Variants in CCDC178 observed in about 807,000 individuals in gnomAD.
The protein encoded by CCDC178 is coiled-coil domain-containing protein 178.
CCDC178 carries 126 observed loss-of-function variants against 117.4 expected under a neutral mutation model. The observed-to-expected ratio is 1.07, with a 90% CI of 0.93 to 1.24. CCDC178 has a LOEUF of 1.24. Ranked by LOEUF, CCDC178 falls within the 50% of genes most tolerant of loss-of-function variation. The pLI, the probability that CCDC178 is intolerant of heterozygous loss-of-function variation, is 0.00. For missense variants in CCDC178, 1,030 were observed against 986.9 expected (o/e 1.04, Z -0.59); for synonymous variants, 283 against 313.4 (o/e 0.90, Z 1.02).
intron 2 of CCDC178, among the ~76,000 whole-genome samples, chr18:33,437,241 A>C (rs1367958113): frequency 6.6e-6 from 1 of 152,212 alleles, no homozygotes; most frequent in Admixed American, 6.5e-5. Flanking sequence ...TTAAATAATA[A>C]AATCTCATTT....
At chr18:33,017,358 T>A (rs544410404) in intron 21 of CCDC178, among the ~76,000 whole-genome samples, 19 of 151,924 alleles carry the variant, frequency 1.3e-4, no homozygotes, top group African/African-American at 4.6e-4. Context: ...ATCAAAAGAA[T>A]AAAATACTTT....
At chr18:33,048,140 CA>C (rs1420685106) in intron 21 of CCDC178, among the ~76,000 whole-genome samples, 2 of 152,064 alleles carry the variant, frequency 1.3e-5, no homozygotes, top group Non-Finnish European at 2.9e-5. Context: ...CTAAGGTTAC[CA>C]GGTGCTAGGG....
intron 3 of CCDC178, among the ~76,000 whole-genome samples, chr18:33,403,644 TA>T (rs1277094890): frequency 6.6e-6 from 1 of 152,200 alleles, no homozygotes; most frequent in Non-Finnish European, 1.5e-5. Flanking sequence ...TGAACGGAAA[TA>T]CTCAACAATT....
chr18:32,946,982 G>A (rs1292957336), intron 22 of CCDC178, among the ~76,000 whole-genome samples: 3 of 151,660 alleles, frequency 2.0e-5, no homozygotes, highest in Non-Finnish European at 2.9e-5. Context: ...GGGTTTCACC[G>A]CGTTAGCCAG....
intron 20 of CCDC178, among the ~76,000 whole-genome samples, chr18:33,149,894 A>G (rs1441366513): frequency 1.3e-5 from 2 of 152,172 alleles, no homozygotes; most frequent in Non-Finnish European, 2.9e-5. Flanking sequence ...AAACAATCCT[A>G]AAATTCATAT....
intron 15 of CCDC178, among the ~76,000 whole-genome samples, chr18:33,233,314 T>C (rs1368030768): frequency 6.6e-6 from 1 of 152,158 alleles, no homozygotes; most frequent in African/African-American, 2.4e-5. Flanking sequence ...CTTGAGCACC[T>C]ATGAGTTGTT....
chr18:33,224,206 G>A (rs2059273166), intron 17 of CCDC178, among the ~76,000 whole-genome samples: 1 of 152,108 alleles, frequency 6.6e-6, no homozygotes. Flanking sequence ...GGAAGGACAA[G>A]AATGTATAAC....
intron 5 of CCDC178, among the ~76,000 whole-genome samples, chr18:33,387,293 T>G (rs904099908): frequency 6.6e-6 from 1 of 152,312 alleles, no homozygotes; most frequent in African/African-American, 2.4e-5. Context: ...CAAAGCAATT[T>G]ATAGATTCAA....
At chr18:33,117,344 G>A (rs1028762543) in intron 20 of CCDC178, among the ~76,000 whole-genome samples, 1 of 152,186 alleles carries the variant, frequency 6.6e-6, no homozygotes, top group African/African-American at 2.4e-5. Context: ...TTAATGGGAT[G>A]GAGGTTATGC....
In CCDC178 at chr18:33,389,673, T is replaced by A. The variant is rs186633444; in HGVS notation, c.119-44A>T. 4.0e-3 allele frequency: 4,074 copies of A among 1,024,644 alleles called. 79 individuals carry two copies. The South Asian group carries it at 0.043, about 11-fold the overall frequency. 63.5% of individuals were successfully genotyped at this position (1,024,644 alleles called of 1,614,324 possible). On this transcript the variant is annotated intron_variant, in intron 4 of 22. Transcript: ENST00000383096. Reference sequence around the variant, plus strand: ...ACATATTTTAGTGAGTAGTTAATATTATAGAAAATTTTAAAATAAGCACCA... The same window carrying A: ...ACATATTTTAGTGAGTAGTTAATATAATAGAAAATTTTAAAATAAGCACCA...
rs563662473 is a variant in CCDC178, at chr18:33,155,476, A to G, written c.2238+56420T>C. On this transcript the variant is annotated intron_variant, in intron 20 of 22. Transcript: ENST00000383096. ...AGACAAAGAAACTTAACTGAAAGTA[A>G]GTAGAATTAGGAAAATCAGAGTAGA... is the stretch of plus-strand genomic sequence containing the variant. Among the ~76,000 whole-genome samples, 67 of 152,202 alleles carry G rather than the reference A, an allele frequency of 4.4e-4. 1 individual carries two copies. Among genetic ancestry groups the G allele is most frequent in the Non-Finnish European group, 5.4e-4 (37 of 68,028 alleles).
chr18:33,409,567 C>T (rs2063823451), intron 3 of CCDC178, among the ~76,000 whole-genome samples: 1 of 152,100 alleles, frequency 6.6e-6, no homozygotes. Flanking sequence ...GAATTAATGA[C>T]AAACTTTTTC....
intron 20 of CCDC178, among the ~76,000 whole-genome samples, chr18:33,095,130 A>C (rs2057523381): frequency 6.6e-6 from 1 of 152,002 alleles, no homozygotes; most frequent in Non-Finnish European, 1.5e-5. Context: ...ACTGGAATGT[A>C]GAATTCTTCT....
chr18:33,425,048 C>T (rs1222420014), intron 2 of CCDC178, among the ~76,000 whole-genome samples: 2 of 152,160 alleles, frequency 1.3e-5, no homozygotes, highest in Non-Finnish European at 2.9e-5. Flanking sequence ...CACCATGGCA[C>T]ATATATACGT....
At chr18:32,945,256 T>G (rs1428702282) in intron 22 of CCDC178, among the ~76,000 whole-genome samples, 1 of 152,206 alleles carries the variant, frequency 6.6e-6, no homozygotes, top group Non-Finnish European at 1.5e-5. Flanking sequence ...TATAAGAATA[T>G]TTAACAGTCA....
intron 20 of CCDC178, among the ~76,000 whole-genome samples, chr18:33,145,188 T>C (rs1420305612): frequency 6.6e-6 from 1 of 152,216 alleles, no homozygotes; most frequent in Non-Finnish European, 1.5e-5. Context: ...TTTGAATTAG[T>C]CCATTTCATA....
At chr18:33,269,274 G>A (rs553889107) in intron 12 of CCDC178, among the ~76,000 whole-genome samples, 1 of 151,884 alleles carries the variant, frequency 6.6e-6, no homozygotes, top group East Asian at 1.9e-4. Context: ...ACAAACAGTA[G>A]ATGAACTAAC....
At chr18:33,171,271 C>T (rs926911009) in intron 20 of CCDC178, among the ~76,000 whole-genome samples, 1 of 152,140 alleles carries the variant, frequency 6.6e-6, no homozygotes, top group African/African-American at 2.4e-5. Flanking sequence ...CAATTCAGTG[C>T]CCCTGAGATC....
chr18:33,392,209 A>G (rs1368286657), intron 4 of CCDC178, among the ~76,000 whole-genome samples: 8 of 152,078 alleles, frequency 5.3e-5, no homozygotes, highest in Non-Finnish European at 4.4e-5. Context: ...TTCCTTATAT[A>G]TCAGCCACCC....
Sources: allele counts gnomAD v4.1 joint callset (sites outside exome capture counted in the v4.1 genomes callset), GRCh38; gene constraint gnomAD v4.1.1; transcripts MANE v1.5; gene names NCBI Gene and HGNC (gene_info 2026-07-23, HGNC 2026-07-21).